The following CSMD1 variants were observed in gnomAD, a reference collection of about 807,000 sequenced individuals.
CSMD1 encodes the protein CUB and sushi domain-containing protein 1.
In CSMD1, 213 loss-of-function variants were observed where a neutral mutation model predicts 417.5. The observed-to-expected ratio is 0.51, with a 90% CI of 0.46 to 0.57. The LOEUF (loss-of-function observed/expected upper bound fraction) is 0.57, where lower values mean the gene tolerates loss of function less well. Among genes scored for constraint, CSMD1 ranks in the 20% least tolerant of loss-of-function variants. The probability of loss-of-function intolerance (pLI) is 0.00; values close to 1 mark genes in which losing one functional copy is unlikely to be tolerated. For synonymous variants in CSMD1, 2,862 were observed against 1,736.8 expected, an observed-to-expected ratio of 1.65 and a Z score of -16.11; for missense variants, 6,923 against 4,529.7, an observed-to-expected ratio of 1.53 and a Z score of -15.17.
intron 42 of CSMD1, among the ~76,000 whole-genome samples, chr8:3,115,662 A>G (rs1816822902): frequency 6.6e-6 from 1 of 152,202 alleles, no homozygotes; most frequent in South Asian, 2.1e-4. Flanking sequence ...AGTTTTTCAG[A>G]TAAATTTATA....
At chr8:4,966,402 A>G (rs891811799) in intron 1 of CSMD1, among the ~76,000 whole-genome samples, 2 of 152,072 alleles carry the variant, frequency 1.3e-5, no homozygotes, top group Non-Finnish European at 2.9e-5. Context: ...ACAACAAAAA[A>G]AGAGTTCCAA....
At chr8:3,618,370 T>G (rs1424495252) in intron 7 of CSMD1, among the ~76,000 whole-genome samples, 3 of 152,176 alleles carry the variant, frequency 2.0e-5, no homozygotes, top group Non-Finnish European at 4.4e-5. Flanking sequence ...TAAATACAAA[T>G]TCTATTGAAT....
At position 3,396,256 on chromosome 8, in the gene CSMD1, A is replaced by G; in HGVS notation, c.2531T>C (p.Met844Thr). Residue 844 changes from methionine (M) to threonine (T), a missense_variant, in exon 17 of 70, where the codon ATG (methionine) becomes ACG (threonine). Transcript: ENST00000635120. ...PQFLISTGNF[M>T]YLLFTTDNSR... ...GTTGTCAGTGGTGAACAGCAGGTAC[A>G]TGAAGTTCCCGGTGCTGATGAGGAA... 1 of 1,584,324 alleles carries G rather than the reference A, an allele frequency of 6.3e-7. No homozygotes were observed. Among genetic ancestry groups the G allele is most frequent in the African/African-American group, 1.3e-5 (1 of 74,534 alleles).
chr8:3,759,896 G>C (rs1046156342), intron 5 of CSMD1, among the ~76,000 whole-genome samples: 1 of 115,418 alleles, frequency 8.7e-6, no homozygotes, highest in African/African-American at 3.3e-5. Flanking sequence ...GTGACTGAGA[G>C]ACTGTCTCAA....
intron 3 of CSMD1, among the ~76,000 whole-genome samples, chr8:4,144,929 A>G (rs1440561724): frequency 6.6e-6 from 1 of 151,108 alleles, no homozygotes; most frequent in Non-Finnish European, 1.5e-5. Context: ...GGAGTGAAGC[A>G]GAGACCCCAG....
At chr8:4,752,702 G>A (rs1811411103) in intron 1 of CSMD1, among the ~76,000 whole-genome samples, 1 of 152,148 alleles carries the variant, frequency 6.6e-6, no homozygotes, top group South Asian at 2.1e-4. Context: ...CTACACAGGG[G>A]TGGTTTACCT....
intron 1 of CSMD1, among the ~76,000 whole-genome samples, chr8:4,710,810 G>A (rs187768252): frequency 1.6e-4 from 24 of 151,474 alleles, no homozygotes; most frequent in Admixed American, 3.9e-4. Context: ...GCACCACTGC[G>A]CTCTAGCCTG....
chr8:3,142,594 T>G lies in CSMD1; in HGVS notation c.6112A>C (p.Ser2038Arg). The G allele has an allele frequency of 6.2e-7, 1 of 1,613,974 alleles. No homozygotes were observed. The highest frequency in any genetic ancestry group is 2.2e-5 in the East Asian group (1 of 44,882). The stretch of plus-strand genomic sequence containing the variant: ...CCGCTAAATTGTCCAATCATGGGGC[T>G]GGTGTGGTAAGGTCCATTTTGAATT... ...LEIQNGPYHT[S>R]PMIGQFSGTD... Residue 2038 changes from serine to arginine, a missense_variant, in exon 41 of 70, where the codon AGC becomes CGC. Coordinates refer to ENST00000635120, the MANE Select transcript of CSMD1 (RefSeq NM_033225.6).
At chr8:4,903,006 TAATAATAAATA>T (rs1477004289) in intron 1 of CSMD1, among the ~76,000 whole-genome samples, 8 of 122,266 alleles carry the variant, frequency 6.5e-5, no homozygotes, top group African/African-American at 2.9e-4. Flanking sequence ...TAAATAATAT[TAATAATAAATA>T]AATAAATAAA....
chr8:4,381,495 A>G (rs751312155), intron 3 of CSMD1, among the ~76,000 whole-genome samples: 4 of 152,162 alleles, frequency 2.6e-5, no homozygotes, highest in African/African-American at 9.7e-5. Context: ...TGGCAGGCCT[A>G]TAATTTGGAC....
chr8:4,060,557 C>A (rs1798919264), intron 3 of CSMD1, among the ~76,000 whole-genome samples: 1 of 152,124 alleles, frequency 6.6e-6, no homozygotes, highest in African/African-American at 2.4e-5. Context: ...CAATGGTTAA[C>A]AGTGCGAATG....
At chr8:3,209,637 G>A (rs1797492043) in intron 30 of CSMD1, among the ~76,000 whole-genome samples, 1 of 152,126 alleles carries the variant, frequency 6.6e-6, no homozygotes, top group Non-Finnish European at 1.5e-5. Flanking sequence ...CTTAATAATT[G>A]TTATGTCTGC....
intron 6 of CSMD1, among the ~76,000 whole-genome samples, chr8:3,715,257 C>G (rs145574101): frequency 2.9e-4 from 44 of 152,274 alleles, no homozygotes; most frequent in African/African-American, 9.9e-4. Flanking sequence ...ATTTCCTATT[C>G]TCTGCTAATT....
chr8:3,405,540 C>A (rs1210941603), intron 15 of CSMD1, among the ~76,000 whole-genome samples: 3 of 152,282 alleles, frequency 2.0e-5, no homozygotes, highest in East Asian at 3.9e-4. Context: ...ACCCTCAGCG[C>A]CTCAGATGGT....
chr8:3,210,368 G>C (rs371595529), intron 30 of CSMD1, among the ~76,000 whole-genome samples: 25 of 91,846 alleles, frequency 2.7e-4, no homozygotes, highest in African/African-American at 6.5e-4. Flanking sequence ...CAGATCTTCA[G>C]ACATGGAAAC....
intron 25 of CSMD1, 67 bp downstream of exon 25, chr8:3,307,628 T>G (rs1804978517): frequency 5.4e-6 from 8 of 1,492,570 alleles, no homozygotes; most frequent in Non-Finnish European, 7.4e-6. Flanking sequence ...TGTACCACTA[T>G]CTCTGCTACA....
intron 12 of CSMD1, among the ~76,000 whole-genome samples, chr8:3,426,136 G>C (rs1237724672): frequency 1.3e-5 from 2 of 152,134 alleles, no homozygotes; most frequent in African/African-American, 2.4e-5. Context: ...AATTTGTATT[G>C]TCCTATCCCT....
At chr8:3,805,808 A>G (rs190964321) in intron 5 of CSMD1, among the ~76,000 whole-genome samples, 6 of 152,178 alleles carry the variant, frequency 3.9e-5, no homozygotes, top group African/African-American at 1.4e-4. Flanking sequence ...CTCTGTGCAG[A>G]ATTACCATTC....
intron 12 of CSMD1, 142 bp from the exon 13 acceptor site, chr8:3,409,747 T>C (rs780156170): frequency 4.8e-5 from 30 of 621,242 alleles, no homozygotes; most frequent in African/African-American, 1.5e-4. Flanking sequence ...GGATATTCAA[T>C]TGATCTTAAA....
Sources: gnomAD v4.1 joint callset for allele counts (sites outside exome capture counted in the v4.1 genomes callset) on GRCh38, gnomAD v4.1.1 for gene constraint, MANE v1.5 for transcripts, NCBI Gene and HGNC (gene_info 2026-07-23, HGNC 2026-07-21) for gene names.